RSBN1: variants seen among roughly 807,000 people sequenced by gnomAD.
RSBN1 encodes the protein lysine-specific demethylase 9.
A neutral mutation model predicts 74.8 loss-of-function variants in RSBN1; 23 were observed. That is an observed-to-expected ratio of 0.31 (90% CI 0.22 to 0.44). RSBN1 has a LOEUF of 0.44. Among genes scored for constraint, RSBN1 ranks in the 20% least tolerant of loss-of-function variants. The pLI is 1.00. For synonymous variants in RSBN1, 407 were observed against 379.6 expected, an observed-to-expected ratio of 1.07 and a Z score of -0.84; for missense variants, 808 against 1,020.9, an observed-to-expected ratio of 0.79 and a Z score of 2.84.
chr1:113,767,447 T>C (rs1295051366), intron 5 of RSBN1, among the ~76,000 whole-genome samples: 1 of 152,210 alleles, frequency 6.6e-6, no homozygotes, highest in Admixed American at 6.5e-5. Flanking sequence ...AGTTTTATTC[T>C]AAACTAGTTG....
rs1323090146 is a variant in RSBN1 at position 113,780,408 on chromosome 1, CCACTAAACTCAACAG to C, written c.1378-2615_1378-2601del. ...ACTCCAAGTTTACCTAATTCAAACA[CCACTAAACTCAACAG>C]CACTGAACTTGAAGACAACTTAGAA... is the stretch of plus-strand genomic sequence containing the variant. On this transcript the variant is annotated intron_variant, in intron 2 of 6. Coordinates refer to ENST00000261441, the MANE Select transcript of RSBN1 (RefSeq NM_018364.5). Among the ~76,000 whole-genome samples, 5 of 152,296 alleles carry C rather than the reference CCACTAAACTCAACAG, an allele frequency of 3.3e-5. No individual in the cohort carries two copies. The East Asian group carries it at 9.6e-4, about 29-fold the overall frequency.
chr1:113,812,249 G>C lies in RSBN1; in HGVS notation c.164C>G (p.Ala55Gly), dbSNP rs757034435. The change falls in exon 1 of 7, where the codon GCG becomes GGG. Residue 55 changes from alanine to glycine, a missense_variant. This residue lies in a region of RSBN1 where 464 missense variants were observed against 401.0 expected (regional missense o/e 1.16). Coordinates refer to ENST00000261441, the MANE Select transcript of RSBN1 (RefSeq NM_018364.5). ...FVGEMAAQVGAVRVVRAVAAQ... is the reference protein window; with the variant it reads ...FVGEMAAQVGGVRVVRAVAAQ... ...CGCCACCGCCCGTACTACGCGCACC[G>C]CTCCGACCTGCGCAGCCATTTCACC... 1.2e-6 allele frequency: 2 copies of C among 1,605,968 alleles called. No homozygotes were observed. The highest frequency in any genetic ancestry group is 2.2e-5 in the South Asian group (2 of 91,084).
chr1:113,777,642 A>G (rs1660058139), intron 3 of RSBN1, 29 bp downstream of exon 3: 1 of 1,590,612 alleles, frequency 6.3e-7, no homozygotes, highest in Admixed American at 1.7e-5. Flanking sequence ...GTAAAGATCA[A>G]AACTTTAATA....
chr1:113,787,108 A>G (rs896731439), intron 2 of RSBN1, among the ~76,000 whole-genome samples: 4 of 152,180 alleles, frequency 2.6e-5, no homozygotes, highest in African/African-American at 9.6e-5. Flanking sequence ...TCATTCTGAT[A>G]TTGATTCTTC....
chr1:113,807,205 T>G (rs898613100), intron 1 of RSBN1, among the ~76,000 whole-genome samples: 2 of 150,938 alleles, frequency 1.3e-5, no homozygotes, highest in Non-Finnish European at 2.9e-5. Context: ...TCACAGCTAC[T>G]CGGGAGGCTG....
chr1:113,776,186 C>G (rs563460946), intron 4 of RSBN1, among the ~76,000 whole-genome samples: 1 of 152,240 alleles, frequency 6.6e-6, no homozygotes, highest in South Asian at 2.1e-4. Context: ...TTTCATGTAG[C>G]AAATACTGGT....
At chr1:113,806,741 C>T (rs1293022097) in intron 1 of RSBN1, among the ~76,000 whole-genome samples, 1 of 149,104 alleles carries the variant, frequency 6.7e-6, no homozygotes, top group Non-Finnish European at 1.5e-5. Flanking sequence ...TGGCTCCTGT[C>T]TGTAATCCCA....
Position 113,777,252 on chromosome 1 carries a change from A to T in RSBN1, c.1616T>A (p.Ile539Asn). The T allele has an allele frequency of 6.2e-7, 1 of 1,613,730 alleles. No individual in the cohort carries two copies. Among genetic ancestry groups the T allele is most frequent in the Non-Finnish European group, 8.5e-7 (1 of 1,179,744 alleles). The change falls in exon 4 of 7, where the codon ATC becomes AAC. Residue 539 changes from isoleucine to asparagine, a missense_variant. Ile to Asn is a moderately radical substitution (Grantham distance 149). Around this residue, in one of 6 missense-constraint regions of RSBN1, gnomAD observed 112 missense variants for 257.3 expected, o/e 0.44. Transcript: ENST00000261441. ...IMWVRPGEQM[I>N]PTADMPKSPF... The stretch of plus-strand genomic sequence containing the variant: ...TGACTTTGGCATATCTGCTGTAGGG[A>T]TCATCTGTTCTCCTGGCCTTACCCA...
Position 113,797,508 on chromosome 1 carries a change from G to C in RSBN1, c.1232C>G (p.Ala411Gly). 6.2e-7 allele frequency: 1 copy of C among 1,613,898 alleles called. No homozygotes were observed. The highest frequency in any genetic ancestry group is 8.5e-7 in the Non-Finnish European group (1 of 1,179,910). ...SENEKNAAYYALAIVHGAAAY... is the reference protein window; with the variant it reads ...SENEKNAAYYGLAIVHGAAAY... ...AGCCGCTCCATGCACTATTGCTAAA[G>C]CATAGTAAGCAGCATTTTTCTCATT... Residue 411 changes from alanine (A) to glycine (G), a missense_variant, in exon 2 of 7, where the codon GCT becomes GGT. Around this residue, in one of 6 missense-constraint regions of RSBN1, gnomAD observed 112 missense variants for 257.3 expected, o/e 0.44. Transcript: ENST00000261441.
Position 113,812,016 on chromosome 1 carries a change from T to G in RSBN1, c.397A>C (p.Thr133Pro), listed in dbSNP as rs1199207911. 6 of 1,540,146 alleles carry G rather than the reference T, an allele frequency of 3.9e-6. No homozygotes were observed. In the South Asian group the frequency reaches 7.2e-5, roughly 19 times the overall value. Residue 133 changes from threonine to proline, a missense_variant, in exon 1 of 7, where the codon ACT becomes CCT. Physicochemically the swap from Thr to Pro is conservative, Grantham distance 38 (BLOSUM62 -1). This residue lies in a region of RSBN1 where 464 missense variants were observed against 401.0 expected (regional missense o/e 1.16). Coordinates refer to ENST00000261441, the MANE Select transcript of RSBN1 (RefSeq NM_018364.5). ...GPLPPTNAAP[T>P]VPGPVEPLLL... The stretch of plus-strand genomic sequence containing the variant: ...AGAGGCTCAACAGGGCCTGGGACAG[T>G]TGGGGCTGCATTCGTTGGCGGCAGC...
rs140508022 is a variant in RSBN1 at position 113,774,233 on chromosome 1, G to C, written c.1658+2977C>G. On this transcript the variant is annotated intron_variant, in intron 4 of 6. Coordinates refer to ENST00000261441, the MANE Select transcript of RSBN1 (RefSeq NM_018364.5). ...ATCACGCAATGTGGAACTGGAAAGT[G>C]ATGCTAATGATGGCCTTTGTGAACA... Among the ~76,000 whole-genome samples the C allele has an allele frequency of 7.7e-3, 1,170 of 152,230 alleles. 15 individuals are homozygous for C. Among genetic ancestry groups the C allele is most frequent in the Middle Eastern group, 0.027 (8 of 294 alleles).
chr1:113,773,135 A>G (rs1210956107), intron 4 of RSBN1, among the ~76,000 whole-genome samples: 1 of 152,250 alleles, frequency 6.6e-6, no homozygotes, highest in Non-Finnish European at 1.5e-5. Context: ...ATTTTTACAA[A>G]AGAAAAACAC....
chr1:113,780,591 T>C (rs55842623), intron 2 of RSBN1, among the ~76,000 whole-genome samples: 2 of 152,202 alleles, frequency 1.3e-5, no homozygotes, highest in South Asian at 2.1e-4. Flanking sequence ...CCACAAAATA[T>C]AGCGACCTCA....
chr1:113,777,770 A>T lies in RSBN1; in HGVS notation c.1416T>A (p.Gly472=). 1 of 1,608,536 alleles carries T rather than the reference A, an allele frequency of 6.2e-7. No individual in the cohort carries two copies. Among genetic ancestry groups the T allele is most frequent in the Non-Finnish European group, 8.5e-7 (1 of 1,176,314 alleles). Residue 472 remains glycine, a synonymous_variant, in exon 3 of 7, where the codon GGT becomes GGA. Coordinates refer to ENST00000261441, the MANE Select transcript of RSBN1 (RefSeq NM_018364.5). ...RTYCCGTYRA[G]PMRQISLVGA... is the part of the protein sequence containing the mutation. ...CAACGAGACTTATCTGCCGCATAGG[A>T]CCTGCTCGGTAGGTGCCACAGCAGT...
In RSBN1 at chr1:113,762,657, A is replaced by C. The variant is rs1659700624; in HGVS notation, c.*3323T>G. 1 of 152,786 alleles carries C rather than the reference A, an allele frequency of 6.5e-6. No individual in the cohort carries two copies. The highest frequency in any genetic ancestry group is 6.5e-5 in the Admixed American group (1 of 15,290). 9.5% of individuals were successfully genotyped at this position (152,786 alleles called of 1,614,324 possible). A position where few individuals can be genotyped will look rare whatever the true frequency, so the allele number is the denominator to read the frequency against. On this transcript the variant is annotated 3_prime_UTR_variant, in exon 7 of 7. Transcript: ENST00000261441. Reference sequence around the variant, plus strand: ...ATGGGCTAATTTATTAATGATTAAGAATATATTCACTAAGCGTTTTCATGG... The same window carrying C: ...ATGGGCTAATTTATTAATGATTAAGCATATATTCACTAAGCGTTTTCATGG...
chr1:113,771,965 C>CA (rs1232542859), intron 4 of RSBN1, among the ~76,000 whole-genome samples: 6 of 151,492 alleles, frequency 4.0e-5, no homozygotes, highest in African/African-American at 7.3e-5. Context: ...ATAAAACTTT[C>CA]AAAAAATGTG....
At chr1:113,783,562 T>C (rs562480342) in intron 2 of RSBN1, among the ~76,000 whole-genome samples, 2 of 151,836 alleles carry the variant, frequency 1.3e-5, no homozygotes, top group Admixed American at 6.5e-5. Flanking sequence ...AGTAAGAAAA[T>C]TTCCTGGGCA....
intron 1 of RSBN1, among the ~76,000 whole-genome samples, chr1:113,801,092 G>C (rs1660575204): frequency 6.6e-6 from 1 of 151,490 alleles, no homozygotes; most frequent in African/African-American, 2.4e-5. Flanking sequence ...AGAGTCTCCT[G>C]CCTCTCGGCC....
At position 113,777,797 on chromosome 1, in the gene RSBN1, T is replaced by A; in HGVS notation, c.1389A>T (p.Thr463=). The A allele has an allele frequency of 6.3e-7, 1 of 1,586,388 alleles. No homozygotes were observed. The change falls in exon 3 of 7, where the codon ACA becomes ACT. Residue 463 remains threonine, a synonymous_variant. Coordinates refer to ENST00000261441, the MANE Select transcript of RSBN1 (RefSeq NM_018364.5). ...CTGCTCGGTAGGTGCCACAGCAGTA[T>A]GTCCTGTTGACCTAAGATAAAACAA... The part of the protein sequence containing the change: ...ISNFHTQVNR[T]YCCGTYRAGP...
Sources: gnomAD v4.1 joint callset for allele counts (sites outside exome capture counted in the v4.1 genomes callset) on GRCh38, gnomAD v4.1.1 for gene constraint, gnomAD v4.1.1 regional missense constraint, MANE v1.5 for transcripts, NCBI Gene and HGNC (gene_info 2026-07-23, HGNC 2026-07-21) for gene names.